ZFPM1: variants seen among roughly 807,000 people sequenced by gnomAD.
The protein encoded by ZFPM1 is zinc finger protein ZFPM1.
Under a neutral mutation model 46.3 loss-of-function variants are expected in ZFPM1, and 28 were observed. The ratio of observed to expected loss-of-function variants is 0.60; its 90% CI spans 0.45 to 0.83. ZFPM1 has a LOEUF of 0.83. ZFPM1 is among the 40% of genes least tolerant of loss of function. The pLI, the probability that ZFPM1 is intolerant of heterozygous loss-of-function variation, is 0.00. For synonymous variants in ZFPM1, 957 were observed against 675.9 expected, an observed-to-expected ratio of 1.42 and a Z score of -6.45; for missense variants, 1,878 against 1,432.4, an observed-to-expected ratio of 1.31 and a Z score of -5.02.
intron 1 of ZFPM1, among the ~76,000 whole-genome samples, chr16:88,485,638 C>T: frequency 6.6e-6 from 1 of 151,754 alleles, no homozygotes; most frequent in Non-Finnish European, 1.5e-5. Flanking sequence ...CAGGGTCTTG[C>T]CATGTTGCCC....
intron 1 of ZFPM1, among the ~76,000 whole-genome samples, chr16:88,474,005 C>A (rs1050537932): frequency 9.2e-5 from 14 of 152,238 alleles, no homozygotes. Flanking sequence ...CCGGGAGTGG[C>A]CGGGCCCAGA....
chr16:88,533,560 C>G lies in ZFPM1; in HGVS notation c.1602C>G (p.Asp534Glu), dbSNP rs534976858. ...LFLPQYVFGP[D>E]AAPPASEILA... The stretch of plus-strand genomic sequence containing the variant: ...TTCCGCAGTACGTGTTCGGGCCCGA[C>G]GCGGCGCCCCCCGCCTCGGAGATCC... The change falls in exon 10 of 10, where the codon GAC (aspartate) becomes GAG (glutamate). Residue 534 changes from aspartate to glutamate, a missense_variant. Coordinates refer to ENST00000319555, the MANE Select transcript of ZFPM1 (RefSeq NM_153813.3). The G allele has an allele frequency of 2.0e-6, 3 of 1,483,036 alleles. No homozygotes were observed. In the East Asian group the frequency reaches 9.0e-5, roughly 44 times the overall value. The allele number at this position is 1,483,036 out of a possible 1,614,324, so 91.9% of individuals were successfully genotyped here. A position where few individuals can be genotyped will look rare whatever the true frequency, so the allele number is the denominator to read the frequency against.
intron 3 of ZFPM1, among the ~76,000 whole-genome samples, chr16:88,495,027 G>T (rs913126407): frequency 4.6e-5 from 7 of 152,038 alleles, no homozygotes; most frequent in African/African-American, 1.7e-4. Context: ...CCCTGCACGC[G>T]CTCGGGAGCA....
intron 3 of ZFPM1, among the ~76,000 whole-genome samples, chr16:88,507,248 C>T (rs567597263): frequency 3.3e-5 from 5 of 152,282 alleles, no homozygotes; most frequent in South Asian, 2.1e-4. Context: ...TTTTCACAGA[C>T]GAGAGCAGGA....
chr16:88,517,476 G>GA (rs1911409501), intron 4 of ZFPM1, among the ~76,000 whole-genome samples: 1 of 130,726 alleles, frequency 7.6e-6, no homozygotes, highest in Admixed American at 7.5e-5. Flanking sequence ...GGATGGCTGG[G>GA]TGGATGGATG....
chr16:88,526,545 T>C (rs370248297), intron 4 of ZFPM1, among the ~76,000 whole-genome samples: 1 of 152,088 alleles, frequency 6.6e-6, no homozygotes, highest in East Asian at 1.9e-4. Flanking sequence ...GGCCTCAGTC[T>C]CCACAAGAAC....
At chr16:88,473,073 G>T (rs140743653) in intron 1 of ZFPM1, among the ~76,000 whole-genome samples, 4 of 152,402 alleles carry the variant, frequency 2.6e-5, no homozygotes, top group Non-Finnish European at 5.9e-5. Flanking sequence ...GGCAGCCTCC[G>T]TTTCTGCAGC....
intron 3 of ZFPM1, among the ~76,000 whole-genome samples, chr16:88,492,231 C>G (rs747925402): frequency 6.6e-6 from 1 of 152,038 alleles, no homozygotes; most frequent in Non-Finnish European, 1.5e-5. Context: ...CTCCCTCACC[C>G]GTCTCTGCCC....
intron 3 of ZFPM1, among the ~76,000 whole-genome samples, chr16:88,494,620 G>C (rs1361627920): frequency 6.6e-6 from 1 of 152,214 alleles, no homozygotes; most frequent in East Asian, 1.9e-4. Flanking sequence ...CCCTGCAGTA[G>C]GGAGCAGAGG....
At chr16:88,502,658 G>A (rs978297473) in intron 3 of ZFPM1, among the ~76,000 whole-genome samples, 20 of 152,348 alleles carry the variant, frequency 1.3e-4, no homozygotes, top group African/African-American at 1.4e-4. Context: ...GGAGCCACCC[G>A]GTCCGGGCTG....
intron 2 of ZFPM1, among the ~76,000 whole-genome samples, chr16:88,488,765 G>A (rs994640664): frequency 6.6e-6 from 1 of 152,212 alleles, no homozygotes; most frequent in Non-Finnish European, 1.5e-5. Flanking sequence ...AGGCCAGTTG[G>A]CCATCCTGTA....
intron 1 of ZFPM1, among the ~76,000 whole-genome samples, chr16:88,484,700 C>G (rs1224039791): frequency 6.6e-6 from 1 of 152,064 alleles, no homozygotes; most frequent in East Asian, 1.9e-4. Context: ...GGCCTGGGGA[C>G]CTGGGGAGCA....
At position 88,534,953 on chromosome 16, in the gene ZFPM1, T is replaced by C. The variant is rs1913172284; in HGVS notation, c.2995T>C (p.Ser999Pro). ...CGCCCACAAGAAGTATTACTGCTCC[T>C]CGCACGCCGCCGAGCACGTGAAGTG... ...FIAHKKYYCS[S>P]HAAEHVK The change falls in exon 10 of 10, where the codon TCG becomes CCG. Residue 999 changes from serine (S) to proline (P), a missense_variant. Coordinates refer to ENST00000319555, the MANE Select transcript of ZFPM1 (RefSeq NM_153813.3). 1.3e-6 allele frequency: 2 copies of C among 1,513,398 alleles called. No individual in the cohort carries two copies. Among genetic ancestry groups the C allele is most frequent in the African/African-American group, 2.9e-5 (2 of 69,938 alleles). 93.7% of individuals were successfully genotyped at this position (1,513,398 alleles called of 1,614,324 possible). A position where few individuals can be genotyped will look rare whatever the true frequency, so the allele number is the denominator to read the frequency against.
intron 4 of ZFPM1, among the ~76,000 whole-genome samples, chr16:88,519,063 T>TGGAA (rs1239911052): frequency 7.0e-6 from 1 of 142,824 alleles, no homozygotes; most frequent in Non-Finnish European, 1.5e-5. Context: ...GATGGATGGA[T>TGGAA]GGATGGATGG....
rs1388208795 is a variant in ZFPM1 at position 88,489,143 on chromosome 16, G to T, written c.258G>T (p.Trp86Cys). 6.2e-7 allele frequency: 1 copy of T among 1,603,672 alleles called. No individual in the cohort carries two copies. The highest frequency in any genetic ancestry group is 8.5e-7 in the Non-Finnish European group (1 of 1,175,616). The change falls in exon 3 of 10, where the codon TGG becomes TGT. Residue 86 changes from tryptophan (W) to cysteine (C), a missense_variant. Transcript: ENST00000319555. ...RPTEEEPGSP[W>C]SGPDELEPVV... ...CGGAGGAAGAGCCGGGCAGTCCCTG[G>T]AGCGGGCCAGGTAACCACGCGGGTG...
chr16:88,515,395 C>G (rs1022263213), intron 4 of ZFPM1, among the ~76,000 whole-genome samples: 11 of 152,248 alleles, frequency 7.2e-5, no homozygotes, highest in African/African-American at 2.7e-4. Flanking sequence ...TGTGCATCCC[C>G]AGGCAGGCCC....
intron 3 of ZFPM1, among the ~76,000 whole-genome samples, chr16:88,491,894 G>A (rs1277531269): frequency 6.6e-6 from 1 of 152,214 alleles, no homozygotes; most frequent in East Asian, 1.9e-4. Context: ...TCTGTGGGCT[G>A]TTATCTCTCG....
At chr16:88,526,957 G>A in intron 5 of ZFPM1, 41 bp downstream of exon 5, 2 of 1,532,760 alleles carry the variant, frequency 1.3e-6, no homozygotes, top group Non-Finnish European at 8.8e-7. Context: ...CCTTCCGGAA[G>A]GTGGGGGTCA....
At chr16:88,516,817 G>A (rs551255680) in intron 4 of ZFPM1, among the ~76,000 whole-genome samples, 12 of 152,248 alleles carry the variant, frequency 7.9e-5, no homozygotes, top group African/African-American at 2.9e-4. Flanking sequence ...AAGGGGGAGG[G>A]GTGCAGATGC....
Sources: gnomAD v4.1 joint callset for allele counts (sites outside exome capture counted in the v4.1 genomes callset) on GRCh38, gnomAD v4.1.1 for gene constraint, MANE v1.5 for transcripts, NCBI Gene and HGNC (gene_info 2026-07-23, HGNC 2026-07-21) for gene names.